Variants in XPO6 observed in about 807,000 individuals in gnomAD.
XPO6 encodes the protein exportin 6.
XPO6 carries 3 observed loss-of-function variants against 130.0 expected under a neutral mutation model. The ratio of observed to expected loss-of-function variants is 0.02; its 90% CI spans 0.01 to 0.06. XPO6 has a LOEUF of 0.06. Ranked by LOEUF, XPO6 falls within the 10% of genes least tolerant of loss-of-function variation. The probability of loss-of-function intolerance (pLI) is 1.00; values close to 1 mark genes in which losing one functional copy is unlikely to be tolerated. For synonymous variants in XPO6, 524 were observed against 548.9 expected (o/e 0.95, Z 0.63); for missense variants, 970 against 1,393.0 (o/e 0.70, Z 4.83).
intron 1 of XPO6, among the ~76,000 whole-genome samples, chr16:28,196,770 G>C (rs1399879284): frequency 6.6e-6 from 1 of 152,148 alleles, no homozygotes; most frequent in Non-Finnish European, 1.5e-5. Context: ...CTGGCTGTTT[G>C]AAAGGGCCTG....
chr16:28,176,169 C>T (rs998870521), intron 3 of XPO6, 74 bp from the exon 4 acceptor site: 20 of 1,358,180 alleles, frequency 1.5e-5, no homozygotes, highest in East Asian at 4.7e-5. Flanking sequence ...CCACAGGTAG[C>T]TATTATCACT....
chr16:28,100,859 C>T (rs894336587), intron 23 of XPO6, among the ~76,000 whole-genome samples: 2 of 152,166 alleles, frequency 1.3e-5, no homozygotes, highest in Non-Finnish European at 2.9e-5. Context: ...CAGCTCCCAC[C>T]GAGGTGCTGC....
chr16:28,138,003 C>T (rs1024531941), intron 9 of XPO6, among the ~76,000 whole-genome samples: 3 of 152,106 alleles, frequency 2.0e-5, no homozygotes, highest in African/African-American at 7.2e-5. Flanking sequence ...AGCAATGACT[C>T]CCCAACTGTA....
chr16:28,151,787 G>A lies in XPO6; in HGVS notation c.1224+872C>T, dbSNP rs1341389537. On this transcript the variant is annotated intron_variant, in intron 8 of 23. Coordinates refer to ENST00000304658, the MANE Select transcript of XPO6 (RefSeq NM_015171.4). Reference sequence around the variant, plus strand: ...TCACGCCTGTAACACTGGCACTTCAGGAGGCCCAGACAGGAGGCTCACTTG... The same window carrying A: ...TCACGCCTGTAACACTGGCACTTCAAGAGGCCCAGACAGGAGGCTCACTTG... 5.9e-5 allele frequency among the ~76,000 whole-genome samples: 9 copies of A among 152,176 alleles called. No homozygotes were observed. The South Asian group carries it at 1.0e-3, about 18-fold the overall frequency.
chr16:28,199,101 T>C (rs1343671782), intron 1 of XPO6, among the ~76,000 whole-genome samples: 1 of 151,986 alleles, frequency 6.6e-6, no homozygotes, highest in African/African-American at 2.4e-5. Context: ...GATCGTGCCA[T>C]TGCACTACAG....
chr16:28,176,590 C>T (rs1188353713), intron 3 of XPO6, among the ~76,000 whole-genome samples: 2 of 151,784 alleles, frequency 1.3e-5, no homozygotes, highest in Admixed American at 6.6e-5. Flanking sequence ...CTCCGCCTCC[C>T]GGGTTCATGC....
At chr16:28,170,189 G>A (rs1397635564) in intron 4 of XPO6, among the ~76,000 whole-genome samples, 6 of 151,754 alleles carry the variant, frequency 4.0e-5, no homozygotes, top group Admixed American at 2.0e-4. Flanking sequence ...AAAATTAGCC[G>A]GGTGTGGTGG....
chr16:28,158,323 T>C (rs1175327390), intron 6 of XPO6, among the ~76,000 whole-genome samples: 1 of 152,168 alleles, frequency 6.6e-6, no homozygotes, highest in African/African-American at 2.4e-5. Context: ...TATCTCCAAG[T>C]GTACAATGGA....
At chr16:28,162,471 G>A (rs967474217) in intron 6 of XPO6, among the ~76,000 whole-genome samples, 6 of 152,132 alleles carry the variant, frequency 3.9e-5, no homozygotes, top group South Asian at 2.1e-4. Context: ...CCCTGGCAGC[G>A]ATACGCACCA....
In XPO6 at chr16:28,112,908, T is replaced by C; in HGVS notation, c.2147A>G (p.Asp716Gly). The change falls in exon 16 of 24, where the codon GAT (aspartate) becomes GGT (glycine). Residue 716 changes from aspartate (D) to glycine (G), a missense_variant. Asp to Gly is a moderately conservative substitution (Grantham distance 94, BLOSUM62 -1). Coordinates refer to ENST00000304658, the MANE Select transcript of XPO6 (RefSeq NM_015171.4). ...GGGGGAGCTCTGGGGCCTCACCTTA[T>C]CGACAAGTCGCAGGGCAGAGGCATC... ...ITDASALRLV[D>G]KAQVLVCRAL... 6.2e-7 allele frequency: 1 copy of C among 1,613,478 alleles called. No individual in the cohort carries two copies. Among genetic ancestry groups the C allele is most frequent in the Non-Finnish European group, 8.5e-7 (1 of 1,179,606 alleles).
chr16:28,153,307 C>T (rs1005433685), intron 7 of XPO6: 1 of 986,942 alleles, frequency 1.0e-6, no homozygotes, highest in Non-Finnish European at 1.2e-6. Flanking sequence ...AAACACAGCA[C>T]AACCCAATAC....
chr16:28,203,909 T>C (rs909192136), intron 1 of XPO6, among the ~76,000 whole-genome samples: 3 of 152,144 alleles, frequency 2.0e-5, no homozygotes, highest in South Asian at 2.1e-4. Flanking sequence ...GGAAAAACCA[T>C]CCAACAAGAG....
intron 6 of XPO6, among the ~76,000 whole-genome samples, chr16:28,157,784 A>G (rs1263913582): frequency 6.6e-6 from 1 of 152,246 alleles, no homozygotes; most frequent in Non-Finnish European, 1.5e-5. Flanking sequence ...AGTACAAGGA[A>G]TGGATGCAGG....
intron 7 of XPO6, chr16:28,153,354 T>C (rs2043127961): frequency 1.0e-6 from 1 of 985,658 alleles, no homozygotes; most frequent in Non-Finnish European, 1.2e-6. Flanking sequence ...AGGAAGGCTA[T>C]TAGAACTGGG....
At chr16:28,159,789 A>AT (rs1372519115) in intron 6 of XPO6, among the ~76,000 whole-genome samples, 1 of 152,132 alleles carries the variant, frequency 6.6e-6, no homozygotes, top group Non-Finnish European at 1.5e-5. Flanking sequence ...GATTTTTATC[A>AT]TTTTTTCTTA....
intron 7 of XPO6, chr16:28,153,794 T>A: frequency 3.0e-6 from 3 of 985,404 alleles, no homozygotes; most frequent in Non-Finnish European, 3.6e-6. Context: ...AGCTCATTAC[T>A]GCAAAAGCTA....
chr16:28,166,672 G>A (rs2043361712), intron 5 of XPO6, 87 bp from the exon 6 acceptor site: 1 of 1,536,328 alleles, frequency 6.5e-7, no homozygotes, highest in Admixed American at 2.0e-5. Context: ...TGATACCTCT[G>A]ATCAAACATG....
At chr16:28,136,952 G>A (rs2042791721) in intron 9 of XPO6, among the ~76,000 whole-genome samples, 1 of 152,188 alleles carries the variant, frequency 6.6e-6, no homozygotes, top group South Asian at 2.1e-4. Context: ...GGTCTGTTAG[G>A]TTCTGCCAGC....
At chr16:28,189,185 A>AT (rs2043745792) in intron 1 of XPO6, among the ~76,000 whole-genome samples, 1 of 149,906 alleles carries the variant, frequency 6.7e-6, no homozygotes. Flanking sequence ...GGCTCAAGCG[A>AT]TCCGCCTGCC....
Sources: gnomAD v4.1 joint callset for allele counts (sites outside exome capture counted in the v4.1 genomes callset) on GRCh38, gnomAD v4.1.1 for gene constraint, MANE v1.5 for transcripts, NCBI Gene and HGNC (gene_info 2026-07-23, HGNC 2026-07-21) for gene names.